PMF1: variants seen among roughly 807,000 people sequenced by gnomAD.
PMF1 encodes polyamine modulated factor 1.
Under a neutral mutation model 26.7 loss-of-function variants are expected in PMF1, and 21 were observed. That is an observed-to-expected ratio of 0.79 (90% CI 0.56 to 1.13). PMF1 has a LOEUF of 1.13. Ranked by LOEUF, PMF1 falls within the 50% of genes most tolerant of loss-of-function variation. PMF1 has a pLI of 0.00. For synonymous variants in PMF1, 105 were observed against 101.0 expected (o/e 1.04, Z -0.24); for missense variants, 266 against 254.9 (o/e 1.04, Z -0.30).
At chr1:156,236,208 A>T in intron 3 of PMF1, 80 bp from the exon 4 acceptor site, 1 of 1,537,382 alleles carries the variant, frequency 6.5e-7, no homozygotes, top group Non-Finnish European at 8.8e-7. Flanking sequence ...CATGTCACCG[A>T]GTGTGGGCTT....
At chr1:156,225,465 C>A in intron 1 of PMF1, 1 of 731,584 alleles carries the variant, frequency 1.4e-6, no homozygotes, top group South Asian at 1.6e-5. Context: ...ACCCTTTCCC[C>A]ACAGTTGGCA....
At chr1:156,232,114 G>A (rs1658742615) in intron 1 of PMF1, among the ~76,000 whole-genome samples, 1 of 152,234 alleles carries the variant, frequency 6.6e-6, no homozygotes. Context: ...CTAAGAAGGA[G>A]TGAGGATGCT....
intron 1 of PMF1, among the ~76,000 whole-genome samples, chr1:156,217,070 C>T (rs1375651663): frequency 2.0e-5 from 3 of 150,220 alleles, no homozygotes; most frequent in Admixed American, 2.0e-4. Flanking sequence ...ATATCACACT[C>T]TGGGGACTGT....
chr1:156,233,064 C>A (rs1356837737), intron 2 of PMF1, among the ~76,000 whole-genome samples: 2 of 151,554 alleles, frequency 1.3e-5, no homozygotes, highest in African/African-American at 4.8e-5. Flanking sequence ...GGACTGTAGA[C>A]GTGCACCCCC....
At position 156,239,914 on chromosome 1, in the gene PMF1, C is replaced by T. The variant is rs574292340; in HGVS notation, c.*313C>T. The T allele has an allele frequency of 1.4e-5, 5 of 355,694 alleles. No individual in the cohort carries two copies. The East Asian group carries it at 2.5e-4, about 18-fold the overall frequency. 22.0% of individuals were successfully genotyped at this position (355,694 alleles called of 1,614,324 possible). A position where few individuals can be genotyped will look rare whatever the true frequency, so the allele number is the denominator to read the frequency against. The stretch of plus-strand genomic sequence containing the variant: ...GCCCCCCTCCTGCTGGTTCCCCAGC[C>T]CTTTTCCCTGGCCCTGGCTTGGAGA... On this transcript the variant is annotated 3_prime_UTR_variant, in exon 5 of 5. Coordinates refer to ENST00000368277, the MANE Select transcript of PMF1 (RefSeq NM_007221.4).
At chr1:156,223,659 T>TATGTGCACGTGCACACACACACAC (rs1658198633) in intron 1 of PMF1, 1 of 151,370 alleles carries the variant, frequency 6.6e-6, no homozygotes, top group African/African-American at 2.5e-5. Context: ...CACATGCACA[T>TATGTGCACGTGCACACACACACAC]ATGTGCACGT....
intron 1 of PMF1, among the ~76,000 whole-genome samples, chr1:156,216,815 GGCCGATCGAC>G (rs1184821426): frequency 6.6e-6 from 1 of 151,878 alleles, no homozygotes; most frequent in Non-Finnish European, 1.5e-5. Flanking sequence ...AGTTGGCCAG[GGCCGATCGAC>G]TCGCTGGCCG....
chr1:156,238,092 A>G (rs1013216417), intron 4 of PMF1, among the ~76,000 whole-genome samples: 5 of 152,160 alleles, frequency 3.3e-5, no homozygotes, highest in Non-Finnish European at 7.3e-5. Context: ...GGCCATAAGT[A>G]TATGGATTTA....
At position 156,232,373 on chromosome 1, in the gene PMF1, T is replaced by C. The variant is rs1425372371; in HGVS notation, c.215T>C (p.Met72Thr). 1 of 1,614,112 alleles carries C rather than the reference T, an allele frequency of 6.2e-7. No individual in the cohort carries two copies. Among genetic ancestry groups the C allele is most frequent in the Admixed American group, 1.7e-5 (1 of 60,008 alleles). Residue 72 changes from methionine (M) to threonine (T), a missense_variant, in exon 2 of 5, where the codon ATG becomes ACG. By Grantham distance (81) the Met-to-Thr change is moderately conservative (BLOSUM62 -1). Coordinates refer to ENST00000368277, the MANE Select transcript of PMF1 (RefSeq NM_007221.4). Reference sequence around the variant, plus strand: ...TGCTTCTACCAGTTGCAGCCTGCGATGACACAGCAAATCTATGACAAGTTT... The same window carrying C: ...TGCTTCTACCAGTTGCAGCCTGCGACGACACAGCAAATCTATGACAAGTTT... ...YKCFYQLQPA[M>T]TQQIYDKFIA...
At chr1:156,231,326 T>C (rs1658694278) in intron 1 of PMF1, among the ~76,000 whole-genome samples, 1 of 149,534 alleles carries the variant, frequency 6.7e-6, no homozygotes, top group Admixed American at 6.7e-5. Context: ...AGCCCAGGAG[T>C]TGGAGTTGGA....
Position 156,213,184 on chromosome 1 carries a change from G to A in PMF1, c.161+8G>A, listed in dbSNP as rs1467915960. On this transcript the variant is annotated splice_region_variant and intron_variant, in intron 1 of 4. Transcript: ENST00000368277. ...GCTGGTCGCCGCCGGCAGGTAAAGT[G>A]GACGCAGCCGCGGTGGGAGTGTTTG... is the stretch of plus-strand genomic sequence containing the variant. 2 of 1,611,782 alleles carry A rather than the reference G, an allele frequency of 1.2e-6. No homozygotes were observed. Among genetic ancestry groups the A allele is most frequent in the Admixed American group, 1.7e-5 (1 of 59,972 alleles).
chr1:156,235,227 C>T (rs530976954), intron 3 of PMF1, among the ~76,000 whole-genome samples: 65 of 151,306 alleles, frequency 4.3e-4, no homozygotes, highest in South Asian at 2.1e-3. Flanking sequence ...CGGGTCCAAG[C>T]GATTCTCCTG....
intron 3 of PMF1, 54 bp downstream of exon 3, chr1:156,233,782 T>C: frequency 2.9e-6 from 1 of 350,334 alleles, no homozygotes; most frequent in Non-Finnish European, 4.3e-6. Context: ...GCAATTAAGC[T>C]TTTTTTTTTT....
rs777608086 is a variant in PMF1 at position 156,239,626 on chromosome 1, A to T, written c.*25A>T. On this transcript the variant is annotated 3_prime_UTR_variant, in exon 5 of 5. Coordinates refer to ENST00000368277, the MANE Select transcript of PMF1 (RefSeq NM_007221.4). ...AGGAGACCGCCAGCCCCAGAAGCAG[A>T]GGGCAGTCAAGGTCAAGAGCCTGTG... The T allele has an allele frequency of 6.2e-7, 1 of 1,603,278 alleles. No homozygotes were observed. Among genetic ancestry groups the T allele is most frequent in the Non-Finnish European group, 8.5e-7 (1 of 1,171,956 alleles).
At chr1:156,228,951 C>T (rs1195424873) in intron 1 of PMF1, among the ~76,000 whole-genome samples, 2 of 152,152 alleles carry the variant, frequency 1.3e-5, no homozygotes, top group African/African-American at 4.8e-5. Context: ...CTGTGTCGCC[C>T]AGGCTGGAGT....
intron 3 of PMF1, among the ~76,000 whole-genome samples, chr1:156,235,527 C>T (rs1394460185): frequency 6.8e-6 from 1 of 146,446 alleles, no homozygotes; most frequent in African/African-American, 2.5e-5. Flanking sequence ...CTGCAAGCTC[C>T]GCCTCCTGGG....
chr1:156,213,164 T>C lies in PMF1; in HGVS notation c.149T>C (p.Val50Ala). Residue 50 changes from valine to alanine, a missense_variant, in exon 1 of 5, where the codon GTC becomes GCC. Physicochemically the swap from Val to Ala is moderately conservative, Grantham distance 64. Transcript: ENST00000368277. ...TMVDTFLQKL[V>A]AAGSYQRFTD... Reference sequence around the variant, plus strand: ...GTGGACACTTTTCTTCAGAAGCTGGTCGCCGCCGGCAGGTAAAGTGGACGC... The same window carrying C: ...GTGGACACTTTTCTTCAGAAGCTGGCCGCCGCCGGCAGGTAAAGTGGACGC... 5.0e-6 allele frequency: 8 copies of C among 1,613,082 alleles called. No individual in the cohort carries two copies. Among genetic ancestry groups the C allele is most frequent in the Non-Finnish European group, 6.8e-6 (8 of 1,179,128 alleles).
At chr1:156,229,450 A>C (rs1404399047) in intron 1 of PMF1, among the ~76,000 whole-genome samples, 1 of 151,794 alleles carries the variant, frequency 6.6e-6, no homozygotes, top group Non-Finnish European at 1.5e-5. Flanking sequence ...GGCAGCAGCT[A>C]CCTTGATCCA....
At chr1:156,235,551 C>T (rs1449560944) in intron 3 of PMF1, among the ~76,000 whole-genome samples, 1 of 150,006 alleles carries the variant, frequency 6.7e-6, no homozygotes, top group African/African-American at 2.5e-5. Flanking sequence ...ACGCCATTCT[C>T]CTGCCTCAGC....
Sources: gnomAD v4.1 joint callset for allele counts (sites outside exome capture counted in the v4.1 genomes callset) on GRCh38, gnomAD v4.1.1 for gene constraint, MANE v1.5 for transcripts, NCBI Gene and HGNC (gene_info 2026-07-23, HGNC 2026-07-21) for gene names.